Variants in PTPN9 observed in about 807,000 individuals in gnomAD.
PTPN9 encodes protein tyrosine phosphatase non-receptor type 9.
In PTPN9, 26 loss-of-function variants were observed where a neutral mutation model predicts 69.8. That is an observed-to-expected ratio of 0.37 (90% CI 0.27 to 0.52). The LOEUF is 0.52. Among genes scored for constraint, PTPN9 ranks in the 20% least tolerant of loss-of-function variants. PTPN9 has a pLI of 0.91. For synonymous variants in PTPN9, 274 were observed against 272.5 expected, an observed-to-expected ratio of 1.01 and a Z score of -0.05; for missense variants, 549 against 740.3, an observed-to-expected ratio of 0.74 and a Z score of 3.00.
chr15:75,550,229 T>C (rs780782422), intron 1 of PTPN9, among the ~76,000 whole-genome samples: 154 of 149,638 alleles, frequency 1.0e-3, no homozygotes, highest in Non-Finnish European at 2.0e-3. Flanking sequence ...GCAATGGCGC[T>C]ATCTCGGCTC....
rs71440245 is a variant in PTPN9, at chr15:75,499,399, CTTTTTTTTTTTT to C, written c.968+6264_968+6275del. Among the ~76,000 whole-genome samples, 32 of 84,524 alleles carry C rather than the reference CTTTTTTTTTTTT, an allele frequency of 3.8e-4. 1 individual carries two copies. Among genetic ancestry groups the C allele is most frequent in the African/African-American group, 1.6e-3 (32 of 19,894 alleles). The allele number at this position is 84,524 out of a possible 152,430, so 55.5% of individuals were successfully genotyped here. On this transcript the variant is annotated intron_variant, in intron 7 of 12. Coordinates refer to ENST00000618819, the MANE Select transcript of PTPN9 (RefSeq NM_002833.4). ...ATGGCAACAAGACGATCTAAACCCACTTTTTTTTTTTTTTTTTTTTTTTTGAGACAGAGTCTT... is the reference window on the plus strand; with the variant it reads ...ATGGCAACAAGACGATCTAAACCCACTTTTTTTTTTTTGAGACAGAGTCTT...
chr15:75,515,344 G>A (rs548004699), intron 5 of PTPN9, among the ~76,000 whole-genome samples: 1 of 148,258 alleles, frequency 6.7e-6, no homozygotes, highest in Non-Finnish European at 1.5e-5. Context: ...GGAGAACGGC[G>A]TGAACCTGGG....
At chr15:75,469,692 G>A in intron 12 of PTPN9, 100 bp downstream of exon 12, 1 of 1,310,466 alleles carries the variant, frequency 7.6e-7, no homozygotes, top group Non-Finnish European at 1.1e-6. Context: ...GGGAGCAAGT[G>A]AGTTCCTTCT....
intron 10 of PTPN9, 150 bp from the exon 11 acceptor site, chr15:75,470,980 G>C (rs763299897): frequency 2.4e-5 from 23 of 954,986 alleles, no homozygotes; most frequent in Non-Finnish European, 3.0e-5. Context: ...AGAAAGGAAA[G>C]GAAACCTCTT....
At chr15:75,483,263 A>G (rs1424802210) in intron 8 of PTPN9, among the ~76,000 whole-genome samples, 3 of 152,264 alleles carry the variant, frequency 2.0e-5, no homozygotes, top group African/African-American at 7.2e-5. Context: ...AAACTTATAC[A>G]TAAATATCCA....
chr15:75,537,442 C>CAAAAAAAAA (rs1567510749), intron 1 of PTPN9, among the ~76,000 whole-genome samples: 5 of 49,754 alleles, frequency 1.0e-4, no homozygotes, highest in African/African-American at 6.3e-4. Flanking sequence ...AATATCTTCC[C>CAAAAAAAAA]TAAAAAAAAA....
chr15:75,500,763 G>C (rs998154067), intron 7 of PTPN9, among the ~76,000 whole-genome samples: 4 of 151,674 alleles, frequency 2.6e-5, no homozygotes, highest in Non-Finnish European at 5.9e-5. Context: ...GTGCATGTCT[G>C]TGGTCTCAGC....
At chr15:75,546,553 G>C (rs572202921) in intron 1 of PTPN9, among the ~76,000 whole-genome samples, 1 of 151,836 alleles carries the variant, frequency 6.6e-6, no homozygotes, top group South Asian at 2.1e-4. Context: ...TGAGGCAGGA[G>C]AATCGCTTCA....
At chr15:75,509,791 C>T (rs901344941) in intron 5 of PTPN9, among the ~76,000 whole-genome samples, 23 of 152,164 alleles carry the variant, frequency 1.5e-4, no homozygotes, top group Admixed American at 6.5e-5. Flanking sequence ...TGAGACCAGC[C>T]TGGCCAACAT....
At chr15:75,477,833 CTTTTTTTTTTT>C (rs1196645006) in intron 9 of PTPN9, among the ~76,000 whole-genome samples, 3 of 91,796 alleles carry the variant, frequency 3.3e-5, no homozygotes, top group African/African-American at 1.3e-4. Context: ...ATCAGATACT[CTTTTTTTTTTT>C]TTTTTTTTTT....
intron 8 of PTPN9, 31 bp downstream of exon 8, chr15:75,490,177 G>T: frequency 1.3e-6 from 2 of 1,493,242 alleles, no homozygotes; most frequent in Non-Finnish European, 1.9e-6. Context: ...TTCCCCCAGT[G>T]CACCTAAAAA....
chr15:75,530,834 TTATAA>T (rs1299195074), intron 1 of PTPN9, among the ~76,000 whole-genome samples: 4 of 99,570 alleles, frequency 4.0e-5, no homozygotes, highest in East Asian at 5.0e-4. Flanking sequence ...ATAATATATA[TTATAA>T]TATATTATAT....
chr15:75,497,288 G>T (rs958842482), intron 7 of PTPN9, among the ~76,000 whole-genome samples: 3 of 151,950 alleles, frequency 2.0e-5, no homozygotes, highest in African/African-American at 4.8e-5. Flanking sequence ...CCAGGAGTTT[G>T]AGACCAGCCT....
intron 9 of PTPN9, among the ~76,000 whole-genome samples, chr15:75,476,338 C>T (rs28737338): frequency 0.35 from 53,779 of 151,644 alleles, 10,731 homozygotes; most frequent in African/African-American, 0.53. Context: ...TTTTTGAGAC[C>T]GAGTATCACT....
At chr15:75,551,313 A>C (rs747402462) in intron 1 of PTPN9, among the ~76,000 whole-genome samples, 1 of 152,126 alleles carries the variant, frequency 6.6e-6, no homozygotes, top group African/African-American at 2.4e-5. Context: ...ATTGCTTCCC[A>C]TGATACAACC....
intron 1 of PTPN9, among the ~76,000 whole-genome samples, chr15:75,530,752 AAT>A (rs2074958555): frequency 1.3e-5 from 1 of 77,350 alleles, no homozygotes; most frequent in Admixed American, 2.5e-4. Context: ...TAATATATAT[AAT>A]ATAATATATT....
chr15:75,465,572 G>A lies in PTPN9; in HGVS notation c.*3197C>T, dbSNP rs1403684597. 1 of 152,204 alleles carries A rather than the reference G, an allele frequency of 6.6e-6. No individual in the cohort carries two copies. Among genetic ancestry groups the A allele is most frequent in the Non-Finnish European group, 1.5e-5 (1 of 68,058 alleles). 9.4% of individuals were successfully genotyped at this position (152,204 alleles called of 1,614,324 possible). A position where few individuals can be genotyped will look rare whatever the true frequency, so the allele number is the denominator to read the frequency against. The stretch of plus-strand genomic sequence containing the variant: ...AAAGCTACAAACAATGGCAGTGGGA[G>A]GAGTTCCTCTGAGTTTTACTGAAAA... On this transcript the variant is annotated 3_prime_UTR_variant, in exon 13 of 13. Coordinates refer to ENST00000618819, the MANE Select transcript of PTPN9 (RefSeq NM_002833.4).
chr15:75,513,171 C>T (rs1270321073), intron 5 of PTPN9: 2 of 433,526 alleles, frequency 4.6e-6, no homozygotes, highest in African/African-American at 4.1e-5. Context: ...CAGTTCTTTG[C>T]TCTGAAAAAA....
At chr15:75,516,493 T>C (rs1351983547) in intron 5 of PTPN9, among the ~76,000 whole-genome samples, 2 of 151,008 alleles carry the variant, frequency 1.3e-5, no homozygotes, top group African/African-American at 4.9e-5. Context: ...TTTGTATTTT[T>C]AGTAGAGACA....
Sources: gnomAD v4.1 joint callset for allele counts (sites outside exome capture counted in the v4.1 genomes callset) on GRCh38, gnomAD v4.1.1 for gene constraint, MANE v1.5 for transcripts, NCBI Gene and HGNC (gene_info 2026-07-23, HGNC 2026-07-21) for gene names.